Variants in CD96 observed in about 807,000 individuals in gnomAD.
CD96 encodes T-cell surface protein tactile.
A neutral mutation model predicts 71.3 loss-of-function variants in CD96; 70 were observed. The ratio of observed to expected loss-of-function variants is 0.98; its 90% CI spans 0.81 to 1.20. The LOEUF is 1.20. CD96 is among the 50% of genes most tolerant of loss of function. CD96 has a pLI of 0.00. For synonymous variants in CD96, 248 were observed against 233.0 expected (o/e 1.06, Z -0.59); for missense variants, 742 against 677.5 (o/e 1.10, Z -1.06).
chr3:111,572,097 T>G (rs977391652), intron 3 of CD96, among the ~76,000 whole-genome samples: 21 of 152,266 alleles, frequency 1.4e-4, no homozygotes, highest in African/African-American at 4.1e-4. Context: ...AGTAGAGATT[T>G]AAGATGTTAA....
At chr3:111,571,927 GT>G (rs1473506843) in intron 3 of CD96, among the ~76,000 whole-genome samples, 1 of 152,050 alleles carries the variant, frequency 6.6e-6, no homozygotes, top group Non-Finnish European at 1.5e-5. Context: ...CTGCCTGACA[GT>G]TCATAAACCA....
rs117195699 is a variant in CD96, at chr3:111,640,521, G to A, written c.1477+2353G>A. On this transcript the variant is annotated intron_variant, in intron 12 of 13. Transcript: ENST00000352690. ...ACAACCAAACTTATGAATAATTGGTGTACCAGAGGAAGAAAAGAATTCTAA... is the reference window on the plus strand; with the variant it reads ...ACAACCAAACTTATGAATAATTGGTATACCAGAGGAAGAAAAGAATTCTAA... Among the ~76,000 whole-genome samples the A allele has an allele frequency of 1.3e-3, 198 of 152,292 alleles. 1 individual carries two copies. In the East Asian group the frequency reaches 0.035, roughly 27 times the overall value.
intron 4 of CD96, chr3:111,579,503 T>G (rs1285187704): frequency 6.0e-6 from 3 of 495,892 alleles, no homozygotes; most frequent in Non-Finnish European, 1.1e-5. Flanking sequence ...ATGAAATACC[T>G]GAAACTGAGT....
Position 111,624,346 on chromosome 3 carries a change from T to C in CD96, c.1263T>C (p.Ser421=), listed in dbSNP as rs777210215. The C allele has an allele frequency of 4.3e-6, 7 of 1,610,354 alleles. No homozygotes were observed. The highest frequency in any genetic ancestry group is 5.9e-6 in the Non-Finnish European group (7 of 1,176,586). The change falls in exon 10 of 14, where the codon AGT becomes AGC. Residue 421 remains serine (S), a synonymous_variant. Transcript: ENST00000352690. ...PNTTPQPSNS[S]MTTRGFNYPW... ...TTTGTCTTTCAGCCAGCAATTCCAG[T>C]ATGACTACCCGAGGCTTCAACTATC...
At chr3:111,617,701 C>G (rs557179022) in intron 8 of CD96, among the ~76,000 whole-genome samples, 1 of 152,306 alleles carries the variant, frequency 6.6e-6, no homozygotes, top group South Asian at 2.1e-4. Flanking sequence ...TGCTCACCCT[C>G]CAGTTGTCAG....
rs1226957087 is a variant in CD96 at position 111,542,328 on chromosome 3, C to T, written c.61+19C>T. 6.2e-7 allele frequency: 1 copy of T among 1,605,904 alleles called. No individual in the cohort carries two copies. The highest frequency in any genetic ancestry group is 8.5e-7 in the Non-Finnish European group (1 of 1,172,650). ...GTCAAGGGTAAGACTTCCAGTTGTC[C>T]CTTCTTGTCGGATGGGCCGCTTTAG... is the stretch of plus-strand genomic sequence containing the variant. On this transcript the variant is annotated intron_variant, in intron 1 of 13. Transcript: ENST00000352690.
chr3:111,623,758 T>C lies in CD96; in HGVS notation c.1185T>C (p.Tyr395=). 1.9e-6 allele frequency: 3 copies of C among 1,604,148 alleles called. No individual in the cohort carries two copies. Among genetic ancestry groups the C allele is most frequent in the Non-Finnish European group, 2.6e-6 (3 of 1,170,924 alleles). Residue 395 remains tyrosine (Y), a synonymous_variant, in exon 9 of 14, where the codon TAT becomes TAC. Coordinates refer to ENST00000352690, the MANE Select transcript of CD96 (RefSeq NM_005816.5). ...SPASSVSPAR[Y]PATSSVTLVD... is the part of the protein sequence containing the mutation. Reference sequence around the variant, plus strand: ...GGAATTTTATTTTCAAAATAGGATATCCAGCTACATCTTCAGTGACCCTTG... The same window carrying C: ...GGAATTTTATTTTCAAAATAGGATACCCAGCTACATCTTCAGTGACCCTTG...
chr3:111,646,291 G>C (rs1200212818), intron 12 of CD96, among the ~76,000 whole-genome samples: 2 of 152,022 alleles, frequency 1.3e-5, no homozygotes, highest in Non-Finnish European at 2.9e-5. Context: ...AATAGAATGA[G>C]GTAAATCTCT....
At chr3:111,617,057 G>A (rs933553214) in intron 8 of CD96, among the ~76,000 whole-genome samples, 16 of 152,236 alleles carry the variant, frequency 1.1e-4, no homozygotes, top group Admixed American at 2.6e-4. Context: ...ACTTGGGGCA[G>A]CACTGACACA....
intron 8 of CD96, among the ~76,000 whole-genome samples, chr3:111,615,420 A>G (rs1938180711): frequency 6.6e-6 from 1 of 152,242 alleles, no homozygotes; most frequent in African/African-American, 2.4e-5. Flanking sequence ...TAAAAGCAAC[A>G]GAAGAGACTA....
At chr3:111,654,380 C>T (rs1324644899), downstream of CD96, among the ~76,000 whole-genome samples, 1 of 152,212 alleles carries the variant, frequency 6.6e-6, no homozygotes, top group Non-Finnish European at 1.5e-5. Context: ...ATACTATGAC[C>T]TTAAGCTAGG....
At chr3:111,617,692 G>A (rs1182581041) in intron 8 of CD96, among the ~76,000 whole-genome samples, 1 of 152,184 alleles carries the variant, frequency 6.6e-6, no homozygotes, top group Admixed American at 6.5e-5. Context: ...TCTCCACCTT[G>A]CTCACCCTCC....
At chr3:111,557,806 A>G (rs1935150466) in intron 2 of CD96, among the ~76,000 whole-genome samples, 1 of 129,108 alleles carries the variant, frequency 7.7e-6, no homozygotes, top group Non-Finnish European at 1.6e-5. Flanking sequence ...CAGTATGGCC[A>G]TTTTCACGAT....
At chr3:111,561,583 C>T (rs1384866827) in intron 2 of CD96, among the ~76,000 whole-genome samples, 7 of 146,066 alleles carry the variant, frequency 4.8e-5, no homozygotes, top group East Asian at 2.0e-4. Context: ...TCTCCAGCTG[C>T]GTGCTGGGAG....
At chr3:111,556,755 T>C (rs1310616547) in intron 2 of CD96, among the ~76,000 whole-genome samples, 1 of 151,618 alleles carries the variant, frequency 6.6e-6, no homozygotes, top group Non-Finnish European at 1.5e-5. Context: ...GTATTTCTAG[T>C]TCTAGATCCC....
At chr3:111,648,883 C>A (rs1302984146) in intron 13 of CD96, among the ~76,000 whole-genome samples, 1 of 152,164 alleles carries the variant, frequency 6.6e-6, no homozygotes, top group Non-Finnish European at 1.5e-5. Context: ...ATTTGTATAG[C>A]TAAATTCCAT....
intron 5 of CD96, 95 bp downstream of exon 5, chr3:111,585,473 C>T (rs1157430444): frequency 2.5e-6 from 2 of 802,498 alleles, no homozygotes; most frequent in Non-Finnish European, 4.4e-6. Context: ...AAGAACTTTA[C>T]TCCTTGGCCC....
chr3:111,550,702 C>G (rs1513324), intron 2 of CD96, among the ~76,000 whole-genome samples: 18,088 of 151,916 alleles, frequency 0.12, 1,171 homozygotes, highest in Non-Finnish European at 0.13. Flanking sequence ...GAAACAAAAC[C>G]ATCTTCAGCT....
At chr3:111,553,434 C>CTT (rs34837219) in intron 2 of CD96, among the ~76,000 whole-genome samples, 8 of 115,184 alleles carry the variant, frequency 6.9e-5, no homozygotes, top group South Asian at 2.8e-4. Flanking sequence ...TTTCTTTTTT[C>CTT]TTTTTTTTTT....
Sources: allele counts gnomAD v4.1 joint callset (sites outside exome capture counted in the v4.1 genomes callset), GRCh38; gene constraint gnomAD v4.1.1; transcripts MANE v1.5; gene names NCBI Gene and HGNC (gene_info 2026-07-23, HGNC 2026-07-21).